TMPRSS11D: variants seen among roughly 807,000 people sequenced by gnomAD.
TMPRSS11D encodes the protein transmembrane protease serine 11D.
Under a neutral mutation model 44.4 loss-of-function variants are expected in TMPRSS11D, and 32 were observed. The ratio of observed to expected loss-of-function variants is 0.72; its 90% CI spans 0.54 to 0.97. The LOEUF (loss-of-function observed/expected upper bound fraction) is 0.97. TMPRSS11D is among the 50% of genes least tolerant of loss of function. The pLI is 0.00. For synonymous variants in TMPRSS11D, 179 were observed against 177.9 expected (o/e 1.01, Z -0.05); for missense variants, 446 against 502.6 (o/e 0.89, Z 1.08).
intron 9 of TMPRSS11D, among the ~76,000 whole-genome samples, 195 bp from the exon 10 acceptor site, chr4:67,822,693 C>T (rs186265342): frequency 6.6e-6 from 1 of 152,308 alleles, no homozygotes; most frequent in African/African-American, 2.4e-5. Context: ...ATTCCTTCAG[C>T]AAGTCTGAGA....
At chr4:67,864,230 A>G (rs1718863583) in intron 1 of TMPRSS11D, among the ~76,000 whole-genome samples, 1 of 152,000 alleles carries the variant, frequency 6.6e-6, no homozygotes. Context: ...ATTTTGCTCT[A>G]TATCATTCTT....
intron 1 of TMPRSS11D, among the ~76,000 whole-genome samples, chr4:67,867,756 T>C (rs576120018): frequency 6.6e-6 from 1 of 152,040 alleles, no homozygotes; most frequent in Non-Finnish European, 1.5e-5. Context: ...GAAGTGCAAA[T>C]TAAAACCACG....
In TMPRSS11D at chr4:67,857,306, TATATATATATATATATACACACACACAC is replaced by T. The variant is rs1274456820; in HGVS notation, c.130+2223_130+2250del. On this transcript the variant is annotated intron_variant, in intron 2 of 9. Transcript: ENST00000283916. Reference sequence around the variant, plus strand: ...ATATATATATATATATATATATATATATATATATATATATATACACACACACACACACACACACACATACACAATGGAA... The same window carrying T: ...ATATATATATATATATATATATATATACACACACACACATACACAATGGAA... Among the ~76,000 whole-genome samples, 5 of 77,652 alleles carry T rather than the reference TATATATATATATATATACACACACACAC, an allele frequency of 6.4e-5. 1 individual carries two copies. The highest frequency in any genetic ancestry group is 9.3e-5 in the African/African-American group (2 of 21,596). The allele number at this position is 77,652 out of a possible 152,430, so 50.9% of individuals were successfully genotyped here. A position where few individuals can be genotyped will look rare whatever the true frequency, so the allele number is the denominator to read the frequency against.
intron 3 of TMPRSS11D, among the ~76,000 whole-genome samples, chr4:67,843,531 C>G (rs975079452): frequency 1.3e-5 from 2 of 151,852 alleles, no homozygotes; most frequent in South Asian, 4.2e-4. Flanking sequence ...TATTATGTAC[C>G]CATAATAATT....
intron 8 of TMPRSS11D, 121 bp downstream of exon 8, chr4:67,827,140 A>G (rs1717812819): frequency 7.5e-7 from 1 of 1,329,516 alleles, no homozygotes; most frequent in South Asian, 1.6e-5. Flanking sequence ...AGCAGAATAT[A>G]GAATGGTTCT....
chr4:67,872,712 G>T (rs1318908065), intron 1 of TMPRSS11D, among the ~76,000 whole-genome samples: 1 of 152,112 alleles, frequency 6.6e-6, no homozygotes, highest in Non-Finnish European at 1.5e-5. Context: ...CAATGAGGGT[G>T]GACTTAAACT....
At chr4:67,865,216 C>A (rs1387667914) in intron 1 of TMPRSS11D, among the ~76,000 whole-genome samples, 1 of 151,370 alleles carries the variant, frequency 6.6e-6, no homozygotes, top group Non-Finnish European at 1.5e-5. Flanking sequence ...AGGAGGAACT[C>A]TTAAAACTAT....
intron 1 of TMPRSS11D, among the ~76,000 whole-genome samples, chr4:67,874,144 A>G (rs555548146): frequency 3.3e-5 from 5 of 152,288 alleles, no homozygotes; most frequent in African/African-American, 1.2e-4. Context: ...ACAGGTCTGT[A>G]GCCAAGGAGT....
chr4:67,836,896 T>G (rs928418250), intron 5 of TMPRSS11D, among the ~76,000 whole-genome samples: 2 of 152,136 alleles, frequency 1.3e-5, no homozygotes, highest in African/African-American at 4.8e-5. Context: ...CTTTTTCTCA[T>G]CTCAAAATAT....
At chr4:67,827,836 G>T (rs2109658680) in intron 7 of TMPRSS11D, among the ~76,000 whole-genome samples, 1 of 151,972 alleles carries the variant, frequency 6.6e-6, no homozygotes, top group Non-Finnish European at 1.5e-5. Context: ...TTTCTCTTTT[G>T]TCCATACCTC....
intron 3 of TMPRSS11D, among the ~76,000 whole-genome samples, chr4:67,844,128 C>T (rs1718301473): frequency 1.3e-5 from 2 of 152,080 alleles, no homozygotes; most frequent in South Asian, 4.1e-4. Flanking sequence ...ATTATGCTGG[C>T]TTATACTGTG....
chr4:67,880,585 T>C (rs943479342), intron 1 of TMPRSS11D, among the ~76,000 whole-genome samples: 2 of 152,190 alleles, frequency 1.3e-5, no homozygotes, highest in African/African-American at 4.8e-5. Context: ...AATAAAAACT[T>C]GTCTAGTTTA....
chr4:67,836,147 T>C (rs1236702723), intron 5 of TMPRSS11D, among the ~76,000 whole-genome samples: 1 of 152,148 alleles, frequency 6.6e-6, no homozygotes, highest in East Asian at 1.9e-4. Flanking sequence ...CTCTATCTTT[T>C]GAATTATTCC....
At chr4:67,839,106 C>G (rs909399795) in intron 4 of TMPRSS11D, 2 of 152,094 alleles carry the variant, frequency 1.3e-5, no homozygotes, top group East Asian at 3.8e-4. Flanking sequence ...CTCATATTCT[C>G]TCTTGGCTTC....
chr4:67,850,833 T>G (rs772428056), intron 3 of TMPRSS11D, among the ~76,000 whole-genome samples: 7 of 152,212 alleles, frequency 4.6e-5, no homozygotes, highest in Non-Finnish European at 1.0e-4. Context: ...TTTTTAGCAT[T>G]CAGCCTTAAA....
chr4:67,852,485 G>A (rs1718532500), intron 3 of TMPRSS11D, among the ~76,000 whole-genome samples: 1 of 152,104 alleles, frequency 6.6e-6, no homozygotes, highest in Non-Finnish European at 1.5e-5. Context: ...ACCATACTTC[G>A]AAAACCACTG....
intron 1 of TMPRSS11D, among the ~76,000 whole-genome samples, chr4:67,861,733 G>A (rs1485337930): frequency 6.6e-6 from 1 of 152,048 alleles, no homozygotes; most frequent in Non-Finnish European, 1.5e-5. Flanking sequence ...TAACTGAAAA[G>A]CACCATGAGA....
intron 3 of TMPRSS11D, among the ~76,000 whole-genome samples, chr4:67,851,744 C>T (rs2109681770): frequency 6.6e-6 from 1 of 152,314 alleles, no homozygotes; most frequent in East Asian, 1.9e-4. Flanking sequence ...CCTCTTCTAG[C>T]CAATGGCACC....
chr4:67,826,572 T>C (rs1045787562), intron 8 of TMPRSS11D, among the ~76,000 whole-genome samples: 3 of 152,108 alleles, frequency 2.0e-5, no homozygotes, highest in Admixed American at 1.3e-4. Context: ...AATGTTTATA[T>C]ACACATCGAG....
Sources: allele counts gnomAD v4.1 joint callset (sites outside exome capture counted in the v4.1 genomes callset), GRCh38; gene constraint gnomAD v4.1.1; transcripts MANE v1.5; gene names NCBI Gene and HGNC (gene_info 2026-07-23, HGNC 2026-07-21).